The following CEP112 variants were observed in gnomAD, a reference collection of about 807,000 sequenced individuals.
CEP112 encodes the protein centrosomal protein 112.
A neutral mutation model predicts 153.0 loss-of-function variants in CEP112; 127 were observed. That is an observed-to-expected ratio of 0.83 (90% confidence interval 0.72 to 0.96). The LOEUF (loss-of-function observed/expected upper bound fraction) is 0.96, where lower values mean the gene tolerates loss of function less well. Ranked by LOEUF, CEP112 falls within the 40% of genes least tolerant of loss-of-function variation. The pLI, the probability that CEP112 is intolerant of heterozygous loss-of-function variation, is 0.00. For synonymous variants in CEP112, 358 were observed against 374.4 expected, an observed-to-expected ratio of 0.96 and a Z score of 0.51; for missense variants, 1,089 against 1,101.2, an observed-to-expected ratio of 0.99 and a Z score of 0.16.
chr17:65,963,390 T>C (rs983031018), intron 17 of CEP112, among the ~76,000 whole-genome samples: 4 of 152,110 alleles, frequency 2.6e-5, no homozygotes, highest in Non-Finnish European at 5.9e-5. Flanking sequence ...CAAAAAGTAA[T>C]ACGAGTTTTT....
At chr17:65,738,837 C>T (rs1414876505) in intron 23 of CEP112, among the ~76,000 whole-genome samples, 2 of 152,054 alleles carry the variant, frequency 1.3e-5, no homozygotes, top group South Asian at 2.1e-4. Context: ...AGATAAAAAC[C>T]GGACCTTTAG....
At chr17:65,703,523 G>GAAA (rs35175056) in intron 23 of CEP112, among the ~76,000 whole-genome samples, 94 of 125,642 alleles carry the variant, frequency 7.5e-4, no homozygotes, top group African/African-American at 2.6e-3. Flanking sequence ...AAAAAAGAAG[G>GAAA]AAAAAAAAAA....
intron 23 of CEP112, among the ~76,000 whole-genome samples, chr17:65,691,760 G>A (rs187207116): frequency 6.6e-6 from 1 of 152,108 alleles, no homozygotes; most frequent in East Asian, 1.9e-4. Flanking sequence ...TTCTTTTATT[G>A]CATAATTGGG....
At chr17:65,996,856 T>G (rs2063810132) in intron 17 of CEP112, among the ~76,000 whole-genome samples, 1 of 152,230 alleles carries the variant, frequency 6.6e-6, no homozygotes, top group African/African-American at 2.4e-5. Flanking sequence ...TATTTACACA[T>G]GAATTCACAC....
At chr17:66,177,303 C>T (rs1023290556) in intron 2 of CEP112, among the ~76,000 whole-genome samples, 3 of 152,214 alleles carry the variant, frequency 2.0e-5, no homozygotes, top group Non-Finnish European at 4.4e-5. Context: ...GGAGTTGGCC[C>T]ATGGGCCATT....
At chr17:66,111,841 T>TA (rs534823295) in intron 6 of CEP112, among the ~76,000 whole-genome samples, 553 of 152,180 alleles carry the variant, frequency 3.6e-3, no homozygotes, top group Non-Finnish European at 6.4e-3. Context: ...ATAAATGTTT[T>TA]AAAAAAGCAT....
intron 23 of CEP112, among the ~76,000 whole-genome samples, chr17:65,731,363 T>G (rs2050498356): frequency 6.6e-6 from 1 of 152,230 alleles, no homozygotes; most frequent in Non-Finnish European, 1.5e-5. Context: ...GATAGCATTA[T>G]GTCTAAAAGA....
At chr17:65,736,862 C>T (rs144152910) in intron 23 of CEP112, among the ~76,000 whole-genome samples, 79 of 152,286 alleles carry the variant, frequency 5.2e-4, no homozygotes, top group African/African-American at 1.9e-3. Context: ...TTCCGGACAA[C>T]TACTAGTCCA....
At chr17:65,808,580 C>T (rs1247292360) in intron 21 of CEP112, among the ~76,000 whole-genome samples, 4 of 151,978 alleles carry the variant, frequency 2.6e-5, no homozygotes, top group Non-Finnish European at 4.4e-5. Flanking sequence ...GGTGGACTTC[C>T]CCCTTGCTGT....
At chr17:65,670,828 G>A (rs1478190751) in intron 24 of CEP112, among the ~76,000 whole-genome samples, 3 of 121,422 alleles carry the variant, frequency 2.5e-5, no homozygotes, top group African/African-American at 6.3e-5. Context: ...CTTATGGAAT[G>A]TATTACTACT....
At chr17:65,965,194 C>A (rs1281758237) in intron 17 of CEP112, among the ~76,000 whole-genome samples, 1 of 152,118 alleles carries the variant, frequency 6.6e-6, no homozygotes, top group South Asian at 2.1e-4. Flanking sequence ...TTTATGACCA[C>A]ATAAATCAAA....
intron 21 of CEP112, among the ~76,000 whole-genome samples, chr17:65,827,789 C>G (rs1162176699): frequency 1.3e-5 from 2 of 152,212 alleles, no homozygotes; most frequent in African/African-American, 4.8e-5. Context: ...GCCAGCCATG[C>G]TCTTGCATTA....
At chr17:66,012,063 A>G (rs555239590) in intron 16 of CEP112, among the ~76,000 whole-genome samples, 61 of 151,956 alleles carry the variant, frequency 4.0e-4, no homozygotes, top group African/African-American at 1.5e-3. Flanking sequence ...TCTGTTTTCC[A>G]TTTGCTTGGT....
At chr17:66,029,719 C>T (rs112410320) in intron 13 of CEP112, 150 bp downstream of exon 13, 232,641 of 600,590 alleles carry the variant, frequency 0.39, 52,217 homozygotes, top group Non-Finnish European at 0.45. Context: ...AACAAACAAA[C>T]AAACAAACAA....
At chr17:66,019,844 A>G (rs1443173311) in intron 16 of CEP112, among the ~76,000 whole-genome samples, 1 of 152,338 alleles carries the variant, frequency 6.6e-6, no homozygotes, top group East Asian at 1.9e-4. Flanking sequence ...CTGAGCTCCA[A>G]TATTCCCTTT....
chr17:66,024,966 A>C (rs62063395), intron 16 of CEP112, among the ~76,000 whole-genome samples: 78,224 of 151,950 alleles, frequency 0.51, 21,054 homozygotes, highest in African/African-American at 0.59. Flanking sequence ...CAGAATACAG[A>C]ACCCAGAAAC....
chr17:65,858,609 T>C (rs2058202843), intron 20 of CEP112, among the ~76,000 whole-genome samples: 1 of 152,196 alleles, frequency 6.6e-6, no homozygotes, highest in African/African-American at 2.4e-5. Context: ...CCCAATATTG[T>C]TTATTTGCAC....
At chr17:65,645,329 G>C (rs1372006903) in intron 24 of CEP112, among the ~76,000 whole-genome samples, 1 of 152,058 alleles carries the variant, frequency 6.6e-6, no homozygotes, top group Non-Finnish European at 1.5e-5. Context: ...TCAGCCTCCT[G>C]AGTAGTTGGA....
At chr17:65,852,066 G>T (rs1478519396) in intron 20 of CEP112, 32 bp from the exon 21 acceptor site, 1 of 1,468,934 alleles carries the variant, frequency 6.8e-7, no homozygotes, top group Non-Finnish European at 9.3e-7. Flanking sequence ...ATGGGCAGAA[G>T]ATATCAATAG....
Sources: allele counts gnomAD v4.1 joint callset (sites outside exome capture counted in the v4.1 genomes callset), GRCh38; gene constraint gnomAD v4.1.1; transcripts MANE v1.5; gene names NCBI Gene and HGNC (gene_info 2026-07-23, HGNC 2026-07-21).